NRG1: variants seen among roughly 807,000 people sequenced by gnomAD.
NRG1 encodes the protein neuregulin 1, also known as pro-neuregulin-1, membrane-bound isoform.
In NRG1, 18 loss-of-function variants were observed where a neutral mutation model predicts 63.8. That is an observed-to-expected ratio of 0.28 (90% CI 0.19 to 0.42). NRG1 has a LOEUF of 0.42. NRG1 is among the 10% of genes least tolerant of loss of function. The probability of loss-of-function intolerance (pLI) is 1.00; values close to 1 mark genes in which losing one functional copy is unlikely to be tolerated. For synonymous variants in NRG1, 302 were observed against 301.3 expected, an observed-to-expected ratio of 1.00 and a Z score of -0.02; for missense variants, 762 against 814.7, an observed-to-expected ratio of 0.94 and a Z score of 0.79.
At chr8:32,743,573 CATAT>C (rs71879821) in intron 7 of NRG1, among the ~76,000 whole-genome samples, 34 of 113,692 alleles carry the variant, frequency 3.0e-4, no homozygotes, top group Admixed American at 8.9e-4. Context: ...TAAGGCAAAA[CATAT>C]ATATATATAT....
At chr8:32,650,216 GT>G (rs199510344) in intron 5 of NRG1, among the ~76,000 whole-genome samples, 32 of 151,400 alleles carry the variant, frequency 2.1e-4, no homozygotes, top group East Asian at 9.7e-4. Flanking sequence ...TTCCTTATCA[GT>G]TTTTTTTTCC....
At chr8:32,100,970 A>C (rs1402858273) in intron 1 of NRG1, among the ~76,000 whole-genome samples, 1 of 152,184 alleles carries the variant, frequency 6.6e-6, no homozygotes, top group Admixed American at 6.5e-5. Flanking sequence ...TAGGGACATA[A>C]TAAGCAATGC....
At chr8:31,775,734 T>A (rs2131590550) in intron 1 of NRG1, among the ~76,000 whole-genome samples, 1 of 151,650 alleles carries the variant, frequency 6.6e-6, no homozygotes, top group Admixed American at 6.6e-5. Context: ...ATACAAAAAA[T>A]TAGCTGGGCA....
At chr8:31,993,538 GT>G (rs1178336888) in intron 1 of NRG1, among the ~76,000 whole-genome samples, 3 of 151,912 alleles carry the variant, frequency 2.0e-5, no homozygotes, top group Admixed American at 2.0e-4. Flanking sequence ...ATAAAAGGCA[GT>G]TCCCCTGCAC....
chr8:32,651,193 G>A (rs909846131), intron 5 of NRG1, among the ~76,000 whole-genome samples: 13 of 151,988 alleles, frequency 8.6e-5, no homozygotes, highest in Non-Finnish European at 1.6e-4. Context: ...TTTCTAAAAT[G>A]GGTATTTCTT....
At chr8:31,743,331 A>C (rs1430400518) in intron 1 of NRG1, among the ~76,000 whole-genome samples, 3 of 152,006 alleles carry the variant, frequency 2.0e-5, no homozygotes, top group African/African-American at 4.8e-5. Context: ...GCATAGCCCC[A>C]TGCCTATTGT....
intron 7 of NRG1, among the ~76,000 whole-genome samples, chr8:32,747,138 G>A (rs145434431): frequency 1.9e-3 from 292 of 152,198 alleles, no homozygotes; most frequent in African/African-American, 6.8e-3. Flanking sequence ...TGTAAATGCA[G>A]TAATATGTAT....
At chr8:32,047,478 CA>C (rs530111304) in intron 1 of NRG1, among the ~76,000 whole-genome samples, 4 of 151,152 alleles carry the variant, frequency 2.6e-5, no homozygotes, top group Non-Finnish European at 5.9e-5. Context: ...ACTAAGGATA[CA>C]AAAAAAAGGA....
intron 1 of NRG1, among the ~76,000 whole-genome samples, chr8:32,567,073 C>A (rs1837588574): frequency 6.6e-6 from 1 of 152,140 alleles, no homozygotes; most frequent in Non-Finnish European, 1.5e-5. Context: ...GAACTCCTGG[C>A]CTCAAGTGCC....
chr8:32,741,858 T>G, intron 6 of NRG1, 150 bp from the exon 7 acceptor site: 1 of 575,144 alleles, frequency 1.7e-6, no homozygotes, highest in Non-Finnish European at 3.1e-6. Context: ...GGGACATGGT[T>G]TTCTAAATGT....
chr8:32,143,648 G>A (rs1836540599), intron 1 of NRG1, among the ~76,000 whole-genome samples: 2 of 152,236 alleles, frequency 1.3e-5, no homozygotes, highest in Admixed American at 1.3e-4. Flanking sequence ...GTGATGAAAT[G>A]TGAGAAGCAG....
intron 1 of NRG1, among the ~76,000 whole-genome samples, chr8:32,352,463 A>T (rs1040348564): frequency 2.6e-5 from 4 of 152,066 alleles, no homozygotes; most frequent in Non-Finnish European, 5.9e-5. Flanking sequence ...TCTTTAGTGC[A>T]AAGTCCTAAA....
intron 1 of NRG1, among the ~76,000 whole-genome samples, chr8:32,299,769 A>G (rs1768881505): frequency 6.6e-6 from 1 of 152,176 alleles, no homozygotes. Flanking sequence ...TCAAACCACC[A>G]GATCTCGTGA....
At chr8:32,343,781 A>T (rs1391562869) in intron 1 of NRG1, among the ~76,000 whole-genome samples, 1 of 152,232 alleles carries the variant, frequency 6.6e-6, no homozygotes, top group Non-Finnish European at 1.5e-5. Flanking sequence ...CTCATTGTGG[A>T]TACAGAAGAC....
At chr8:31,895,072 G>T (rs1563536919) in intron 1 of NRG1, among the ~76,000 whole-genome samples, 1 of 152,200 alleles carries the variant, frequency 6.6e-6, no homozygotes, top group Admixed American at 6.5e-5. Flanking sequence ...CTTTGGCACT[G>T]CCTGGATTTG....
intron 5 of NRG1, among the ~76,000 whole-genome samples, chr8:32,681,816 T>C (rs943938669): frequency 1.3e-5 from 2 of 152,140 alleles, no homozygotes; most frequent in African/African-American, 2.4e-5. Flanking sequence ...CGGCGACCCA[T>C]TTATTAAGGT....
intron 1 of NRG1, among the ~76,000 whole-genome samples, chr8:32,148,070 A>G (rs1837094972): frequency 6.6e-6 from 1 of 152,058 alleles, no homozygotes; most frequent in African/African-American, 2.4e-5. Context: ...ATTATGTGCA[A>G]TAATAATAAT....
chr8:32,366,703 A>G (rs1382905154), intron 1 of NRG1, among the ~76,000 whole-genome samples: 1 of 56,442 alleles, frequency 1.8e-5, no homozygotes. Flanking sequence ...ATATATATAT[A>G]TATATATATA....
At chr8:32,174,403 C>T (rs1368847185) in intron 1 of NRG1, among the ~76,000 whole-genome samples, 2 of 151,916 alleles carry the variant, frequency 1.3e-5, no homozygotes, top group Non-Finnish European at 2.9e-5. Context: ...AATGGACACC[C>T]TAACATCACA....
Sources: allele counts gnomAD v4.1 joint callset (sites outside exome capture counted in the v4.1 genomes callset), GRCh38; gene constraint gnomAD v4.1.1; transcripts MANE v1.5; gene names NCBI Gene and HGNC (gene_info 2026-07-23, HGNC 2026-07-21).